SH3GL2: variants seen among roughly 807,000 people sequenced by gnomAD.
SH3GL2 encodes SH3 domain containing GRB2 like 2, endophilin A1.
SH3GL2 carries 24 observed loss-of-function variants against 46.0 expected under a neutral mutation model. The ratio of observed to expected loss-of-function variants is 0.52; its 90% CI spans 0.38 to 0.73. SH3GL2 has a LOEUF of 0.73. Among genes scored for constraint, SH3GL2 ranks in the 30% least tolerant of loss-of-function variants. The probability of loss-of-function intolerance (pLI) is 0.00; values close to 1 mark genes in which losing one functional copy is unlikely to be tolerated. For synonymous variants in SH3GL2, 196 were observed against 147.1 expected (o/e 1.33, Z -2.40); for missense variants, 413 against 424.2 (o/e 0.97, Z 0.23).
Position 17,603,827 on chromosome 9 carries a change from T to G in SH3GL2, c.45+24540T>G, listed in dbSNP as rs771347739. On this transcript the variant is annotated intron_variant, in intron 1 of 8. Transcript: ENST00000380607. ...GTGTGGTGAGCTGAGATCGTGCCAT[T>G]GCACTCCAGCCTGGGCAACAAGAGC... Among the ~76,000 whole-genome samples the G allele has an allele frequency of 5.9e-5, 9 of 152,106 alleles. No homozygotes were observed. The South Asian group carries it at 6.2e-4, about 10-fold the overall frequency.
chr9:17,580,164 C>A (rs1201065538), intron 1 of SH3GL2, among the ~76,000 whole-genome samples: 1 of 152,176 alleles, frequency 6.6e-6, no homozygotes, highest in Non-Finnish European at 1.5e-5. Flanking sequence ...CTATTTCTTA[C>A]ATAATGTGTG....
At chr9:17,612,668 A>G (rs1295442015) in intron 1 of SH3GL2, among the ~76,000 whole-genome samples, 5 of 152,216 alleles carry the variant, frequency 3.3e-5, no homozygotes, top group Admixed American at 6.5e-5. Context: ...TCACTGAGCT[A>G]TAATTCACAT....
At chr9:17,616,748 G>A (rs954017367) in intron 1 of SH3GL2, among the ~76,000 whole-genome samples, 4 of 150,816 alleles carry the variant, frequency 2.7e-5, no homozygotes, top group African/African-American at 9.7e-5. Context: ...CTTTTTTTTT[G>A]TTAATATAGC....
At chr9:17,606,963 AAC>A (rs1285063115) in intron 1 of SH3GL2, among the ~76,000 whole-genome samples, 1 of 152,152 alleles carries the variant, frequency 6.6e-6, no homozygotes, top group Admixed American at 6.5e-5. Flanking sequence ...CCCTCCTGTA[AAC>A]ACACAGTGAT....
chr9:17,671,331 T>A (rs1820469602), intron 1 of SH3GL2, among the ~76,000 whole-genome samples: 1 of 152,200 alleles, frequency 6.6e-6, no homozygotes, highest in African/African-American at 2.4e-5. Flanking sequence ...TTAAATATAT[T>A]TTCTAAAATT....
chr9:17,782,353 T>G (rs1823834028), intron 3 of SH3GL2, among the ~76,000 whole-genome samples: 1 of 152,140 alleles, frequency 6.6e-6, no homozygotes. Context: ...TTTGTCATCC[T>G]CACATAGAGC....
intron 1 of SH3GL2, among the ~76,000 whole-genome samples, chr9:17,678,070 A>T (rs1032553802): frequency 1.3e-5 from 2 of 152,120 alleles, no homozygotes; most frequent in African/African-American, 4.8e-5. Flanking sequence ...GCTATTGTGA[A>T]TAGTGCCGCA....
chr9:17,680,061 G>A (rs544619987), intron 1 of SH3GL2, among the ~76,000 whole-genome samples: 1 of 152,158 alleles, frequency 6.6e-6, no homozygotes, highest in Non-Finnish European at 1.5e-5. Context: ...TTGCATCGAT[G>A]TTCATCAGGG....
chr9:17,709,259 C>T (rs1821555698), intron 1 of SH3GL2, among the ~76,000 whole-genome samples: 1 of 151,972 alleles, frequency 6.6e-6, no homozygotes, highest in Admixed American at 6.6e-5. Flanking sequence ...TAAGTCAGTC[C>T]TTTACAATAT....
At chr9:17,739,094 T>G (rs1307300565) in intron 1 of SH3GL2, among the ~76,000 whole-genome samples, 1 of 152,134 alleles carries the variant, frequency 6.6e-6, no homozygotes, top group Admixed American at 6.6e-5. Flanking sequence ...GTGGCTCCAT[T>G]TTGTGGATGA....
chr9:17,690,845 G>A (rs185253979), intron 1 of SH3GL2, among the ~76,000 whole-genome samples: 1 of 152,126 alleles, frequency 6.6e-6, no homozygotes, highest in Non-Finnish European at 1.5e-5. Context: ...GAAGGCCAGG[G>A]AATTTGTTCA....
intron 1 of SH3GL2, among the ~76,000 whole-genome samples, chr9:17,710,310 C>G (rs570885025): frequency 1.5e-4 from 23 of 152,080 alleles, no homozygotes; most frequent in African/African-American, 5.3e-4. Flanking sequence ...CCCTGCAGAA[C>G]TGAGTCAATT....
At chr9:17,697,227 C>T (rs923003881) in intron 1 of SH3GL2, among the ~76,000 whole-genome samples, 5 of 144,498 alleles carry the variant, frequency 3.5e-5, no homozygotes, top group Admixed American at 2.8e-4. Context: ...AAATGCATTT[C>T]TTTTTTTTTT....
In SH3GL2 at chr9:17,613,990, C is replaced by T. The variant is rs145159941; in HGVS notation, c.45+34703C>T. 2.0e-5 allele frequency among the ~76,000 whole-genome samples: 3 copies of T among 152,098 alleles called. No homozygotes were observed. The East Asian group carries it at 5.8e-4, about 30-fold the overall frequency. On this transcript the variant is annotated intron_variant, in intron 1 of 8. Coordinates refer to ENST00000380607, the MANE Select transcript of SH3GL2 (RefSeq NM_003026.5). The stretch of plus-strand genomic sequence containing the variant: ...TGGTCACTTTCTAAAGGGTTTTGTG[C>T]CTCCTTTATACTCTTGTCTCCTTCT...
chr9:17,676,303 G>C (rs16935876), intron 1 of SH3GL2, among the ~76,000 whole-genome samples: 2 of 151,836 alleles, frequency 1.3e-5, no homozygotes, highest in Non-Finnish European at 2.9e-5. Flanking sequence ...TTTTTGCTCA[G>C]ACTGTAAAAA....
chr9:17,717,136 A>C (rs1451696588), intron 1 of SH3GL2, among the ~76,000 whole-genome samples: 1 of 152,086 alleles, frequency 6.6e-6, no homozygotes, highest in Non-Finnish European at 1.5e-5. Flanking sequence ...ATTTCTACCA[A>C]TTACCAGCTG....
chr9:17,719,948 CTTT>C (rs1288666346), intron 1 of SH3GL2, among the ~76,000 whole-genome samples: 1 of 149,346 alleles, frequency 6.7e-6, no homozygotes, highest in Non-Finnish European at 1.5e-5. Context: ...AGTAGAATTT[CTTT>C]TTATTTCTGT....
intron 1 of SH3GL2, among the ~76,000 whole-genome samples, chr9:17,613,763 C>T (rs1036369349): frequency 6.6e-6 from 1 of 152,160 alleles, no homozygotes; most frequent in African/African-American, 2.4e-5. Context: ...GCAGAAAAGT[C>T]ACTTTAGCAT....
chr9:17,793,833 A>C (rs1588343399), intron 8 of SH3GL2, among the ~76,000 whole-genome samples: 1 of 152,162 alleles, frequency 6.6e-6, no homozygotes, highest in Non-Finnish European at 1.5e-5. Context: ...TGCGAGTGTC[A>C]TCTTTTCTCC....
Sources: gnomAD v4.1 joint callset for allele counts (sites outside exome capture counted in the v4.1 genomes callset) on GRCh38, gnomAD v4.1.1 for gene constraint, MANE v1.5 for transcripts, NCBI Gene and HGNC (gene_info 2026-07-23, HGNC 2026-07-21) for gene names.